The following DLC1 variants were observed in gnomAD, a reference collection of about 807,000 sequenced individuals.
DLC1 encodes the protein rho GTPase-activating protein 7.
DLC1 carries 54 observed loss-of-function variants against 140.3 expected under a neutral mutation model. That is an observed-to-expected ratio of 0.38 (90% CI 0.31 to 0.48). DLC1 has a LOEUF of 0.48. Ranked by LOEUF, DLC1 falls within the 20% of genes least tolerant of loss-of-function variation. The probability of loss-of-function intolerance (pLI) is 0.96; values close to 1 mark genes in which losing one functional copy is unlikely to be tolerated. For missense variants in DLC1, 2,536 were observed against 1,907.0 expected, an observed-to-expected ratio of 1.33 and a Z score of -6.14; for synonymous variants, 986 against 728.1, an observed-to-expected ratio of 1.35 and a Z score of -5.70.
intron 4 of DLC1, among the ~76,000 whole-genome samples, chr8:13,370,718 G>A (rs1439005599): frequency 1.3e-5 from 2 of 152,102 alleles, no homozygotes; most frequent in Non-Finnish European, 2.9e-5. Context: ...TTTTCTTTTG[G>A]CTACGTTCTT....
At chr8:13,241,053 G>C (rs922100887) in intron 5 of DLC1, among the ~76,000 whole-genome samples, 3 of 152,146 alleles carry the variant, frequency 2.0e-5, no homozygotes, top group African/African-American at 7.2e-5. Context: ...AGAAAAGAAG[G>C]GGAGCAGCTG....
chr8:13,554,650 A>G (rs1803978782), intron 1 of DLC1, among the ~76,000 whole-genome samples: 1 of 152,124 alleles, frequency 6.6e-6, no homozygotes, highest in South Asian at 2.1e-4. Flanking sequence ...TTCACCCTGA[A>G]ACTTCAAAAT....
chr8:13,369,919 A>AG (rs1341395911), intron 4 of DLC1, among the ~76,000 whole-genome samples: 2 of 151,190 alleles, frequency 1.3e-5, no homozygotes, highest in Non-Finnish European at 2.9e-5. Flanking sequence ...AACTTAAAAA[A>AG]AAAAAAAATG....
chr8:13,203,022 C>T (rs1312883151), intron 5 of DLC1, among the ~76,000 whole-genome samples: 1 of 152,150 alleles, frequency 6.6e-6, no homozygotes, highest in Non-Finnish European at 1.5e-5. Flanking sequence ...CTTGAGATTT[C>T]AGCTTTAGTC....
Position 13,102,791 on chromosome 8 carries a change from C to A in DLC1, c.1565G>T (p.Arg522Leu). The change falls in exon 8 of 18, where the codon CGA becomes CTA. Residue 522 changes from arginine (R) to leucine (L), a missense_variant and splice_region_variant. Transcript: ENST00000276297. ...CTATTATGCAATTTGTATACTCACT[C>A]GTTTCCGATGAGGACTAATTTCTAG... The part of the protein sequence containing the change: ...MKLEISPHRK[R>L]SDDSDEDEPC... The A allele has an allele frequency of 6.2e-7, 1 of 1,613,744 alleles. No individual in the cohort carries two copies. Among genetic ancestry groups the A allele is most frequent in the Non-Finnish European group, 8.5e-7 (1 of 1,179,760 alleles).
intron 2 of DLC1, among the ~76,000 whole-genome samples, chr8:13,443,026 A>G (rs1369022082): frequency 8.5e-5 from 13 of 152,110 alleles, no homozygotes; most frequent in Admixed American, 7.2e-4. Flanking sequence ...ATGCAGCCAT[A>G]AAAAAGGATG....
At chr8:13,121,282 T>C (rs948749620) in intron 5 of DLC1, among the ~76,000 whole-genome samples, 2 of 152,016 alleles carry the variant, frequency 1.3e-5, no homozygotes, top group South Asian at 4.2e-4. Flanking sequence ...CAAGATGCAT[T>C]CTCCTCCCCG....
chr8:13,098,206 C>T (rs887711238), intron 10 of DLC1, among the ~76,000 whole-genome samples, 193 bp downstream of exon 10: 4 of 151,928 alleles, frequency 2.6e-5, no homozygotes, highest in Non-Finnish European at 5.9e-5. Context: ...CTCCAGCCTA[C>T]GTAACAGAGC....
At chr8:13,398,057 G>T (rs2117237115) in intron 3 of DLC1, among the ~76,000 whole-genome samples, 1 of 152,186 alleles carries the variant, frequency 6.6e-6, no homozygotes, top group Non-Finnish European at 1.5e-5. Context: ...CTTGAACCAG[G>T]GAGGCAGAGG....
intron 1 of DLC1, among the ~76,000 whole-genome samples, chr8:13,572,093 TTA>T (rs776826693): frequency 7.6e-4 from 43 of 56,874 alleles, no homozygotes; most frequent in South Asian, 1.8e-3. Flanking sequence ...TTATTATTAT[TTA>T]TTTTTTTTTT....
chr8:13,461,985 A>G (rs1481763285), intron 2 of DLC1, among the ~76,000 whole-genome samples: 1 of 152,174 alleles, frequency 6.6e-6, no homozygotes, highest in African/African-American at 2.4e-5. Context: ...GCAGTAGTGG[A>G]GAGAAAGCCC....
At chr8:13,272,113 T>C (rs1185707429) in intron 5 of DLC1, among the ~76,000 whole-genome samples, 1 of 152,256 alleles carries the variant, frequency 6.6e-6, no homozygotes, top group East Asian at 1.9e-4. Flanking sequence ...ATGTCATTGA[T>C]ACTATTTAGT....
At chr8:13,137,395 C>T (rs1376171979) in intron 5 of DLC1, among the ~76,000 whole-genome samples, 1 of 152,120 alleles carries the variant, frequency 6.6e-6, no homozygotes, top group Non-Finnish European at 1.5e-5. Flanking sequence ...TCAATGTAGC[C>T]TGTTTCAGTG....
chr8:13,473,872 G>C (rs1050309399), intron 2 of DLC1, among the ~76,000 whole-genome samples: 11 of 152,174 alleles, frequency 7.2e-5, no homozygotes, highest in Non-Finnish European at 1.3e-4. Flanking sequence ...TGTCTTGGGT[G>C]CTGTTAAAGG....
intron 5 of DLC1, among the ~76,000 whole-genome samples, chr8:13,140,471 G>T (rs572983531): frequency 3.3e-5 from 5 of 151,698 alleles, no homozygotes; most frequent in African/African-American, 1.2e-4. Context: ...GGGCTCAAGC[G>T]ATTCGCCTGC....
chr8:13,192,282 C>G (rs928928317), intron 5 of DLC1, among the ~76,000 whole-genome samples: 2 of 151,978 alleles, frequency 1.3e-5, no homozygotes, highest in Non-Finnish European at 2.9e-5. Context: ...CAGGAAGGAG[C>G]CGAGTTTGTG....
intron 5 of DLC1, among the ~76,000 whole-genome samples, chr8:13,128,801 C>A (rs1440553082): frequency 6.7e-6 from 1 of 149,974 alleles, no homozygotes; most frequent in Non-Finnish European, 1.5e-5. Context: ...CGCCACTGCA[C>A]TCCAGCCTGG....
At chr8:13,324,086 C>T (rs909470544) in intron 4 of DLC1, among the ~76,000 whole-genome samples, 2 of 152,250 alleles carry the variant, frequency 1.3e-5, no homozygotes, top group African/African-American at 2.4e-5. Context: ...ACAAATCCGA[C>T]TGATTTTTTT....
intron 5 of DLC1, among the ~76,000 whole-genome samples, chr8:13,241,081 A>G (rs1315838804): frequency 6.6e-6 from 1 of 152,206 alleles, no homozygotes; most frequent in African/African-American, 2.4e-5. Context: ...CTGCAGTCAC[A>G]TAATTCTACA....
Sources: allele counts gnomAD v4.1 joint callset (sites outside exome capture counted in the v4.1 genomes callset), GRCh38; gene constraint gnomAD v4.1.1; transcripts MANE v1.5; gene names NCBI Gene and HGNC (gene_info 2026-07-23, HGNC 2026-07-21).